ESR2: variants seen among roughly 807,000 people sequenced by gnomAD.
ESR2 encodes estrogen receptor beta.
In ESR2, 36 loss-of-function variants were observed where a neutral mutation model predicts 49.6. The observed-to-expected ratio is 0.73, with a 90% confidence interval of 0.56 to 0.96. The LOEUF (loss-of-function observed/expected upper bound fraction) is 0.96, where lower values mean the gene tolerates loss of function less well. Among genes scored for constraint, ESR2 ranks in the 40% least tolerant of loss-of-function variants. The pLI, the probability that ESR2 is intolerant of heterozygous loss-of-function variation, is 0.00. For synonymous variants in ESR2, 320 were observed against 266.1 expected (o/e 1.20, Z -1.97); for missense variants, 714 against 693.0 (o/e 1.03, Z -0.34).
intron 6 of ESR2, among the ~76,000 whole-genome samples, chr14:64,250,860 A>G (rs1475342386): frequency 1.3e-5 from 2 of 152,136 alleles, no homozygotes; most frequent in Non-Finnish European, 2.9e-5. Flanking sequence ...CGAAGCACTC[A>G]CACTCTCCCA....
At chr14:64,261,510 C>T (rs977183265) in intron 4 of ESR2, among the ~76,000 whole-genome samples, 8 of 152,104 alleles carry the variant, frequency 5.3e-5, no homozygotes, top group South Asian at 2.1e-4. Context: ...TTCAGCCTCC[C>T]GGGTTCAAGC....
chr14:64,331,151 T>C (rs999041860), intron 1 of ESR2, among the ~76,000 whole-genome samples: 9 of 152,094 alleles, frequency 5.9e-5, no homozygotes, highest in South Asian at 4.2e-4. Flanking sequence ...TTTAATCACA[T>C]AGAAAGATTG....
chr14:64,266,905 A>G (rs2076341736), intron 4 of ESR2, among the ~76,000 whole-genome samples: 1 of 152,112 alleles, frequency 6.6e-6, no homozygotes, highest in Non-Finnish European at 1.5e-5. Context: ...GCCCCCAGAC[A>G]GAGTCTCACT....
In ESR2 at chr14:64,231,356, A is replaced by G. The variant is rs1442118555; in HGVS notation, c.*1781T>C. 1 of 152,112 alleles carries G rather than the reference A, an allele frequency of 6.6e-6. No individual in the cohort carries two copies. Among genetic ancestry groups the G allele is most frequent in the East Asian group, 1.9e-4 (1 of 5,192 alleles). The allele number at this position is 152,112 out of a possible 1,614,324, so 9.4% of individuals were successfully genotyped here. A position where few individuals can be genotyped will look rare whatever the true frequency, so the allele number is the denominator to read the frequency against. ...AGTGGGGGATTCTAGGCTGACCAGG[A>G]GGAAAGAAGCTGACACTAACACTGG... On this transcript the variant is annotated 3_prime_UTR_variant, in exon 9 of 9. Transcript: ENST00000341099.
upstream of ESR2, among the ~76,000 whole-genome samples, chr14:64,297,112 G>A (rs1456123904): frequency 6.6e-6 from 1 of 152,080 alleles, no homozygotes; most frequent in Non-Finnish European, 1.5e-5. Flanking sequence ...ACCTGCCTAA[G>A]GAAGCACCCA....
chr14:64,260,048 C>G, intron 5 of ESR2: 1 of 453,448 alleles, frequency 2.2e-6, no homozygotes, highest in South Asian at 1.6e-5. Context: ...CCCAGACCAC[C>G]TCTAGGCATG....
At chr14:64,283,133 A>G (rs894576775) in intron 1 of ESR2, 58 bp from the exon 2 acceptor site, 2 of 667,008 alleles carry the variant, frequency 3.0e-6, no homozygotes, top group Non-Finnish European at 4.8e-6. Context: ...AACTATGAAA[A>G]TTTAAATATT....
chr14:64,260,679 C>A lies in ESR2; in HGVS notation c.722G>T (p.Cys241Phe). The A allele has an allele frequency of 1.3e-6, 2 of 1,574,214 alleles. No homozygotes were observed. The highest frequency in any genetic ancestry group is 1.7e-6 in the Non-Finnish European group (2 of 1,157,336). Residue 241 changes from cysteine (C) to phenylalanine (F), a missense_variant, in exon 5 of 9, where the codon TGT (cysteine) becomes TTT (phenylalanine). Transcript: ENST00000341099. Reference protein sequence around the residue: ...RQRSADEQLHCAGKAKRSGGH... With the variant: ...RQRSADEQLHFAGKAKRSGGH... ...GCCACTTCTCTTGGCCTTGCCGGCA[C>A]AGTGCAGCTGCTCGTCGGCACTTCT...
chr14:64,273,794 T>C (rs941938829), intron 3 of ESR2, among the ~76,000 whole-genome samples: 1 of 152,178 alleles, frequency 6.6e-6, no homozygotes, highest in South Asian at 2.1e-4. Flanking sequence ...ACGGTAATAC[T>C]GGTCTCACGG....
intron 1 of ESR2, among the ~76,000 whole-genome samples, chr14:64,311,221 G>T (rs554642675): frequency 5.8e-4 from 88 of 152,284 alleles, no homozygotes; most frequent in African/African-American, 1.9e-3. Context: ...ATTTTAAAAT[G>T]CATTTAAAGG....
At chr14:64,309,377 C>T (rs1420268284) in intron 1 of ESR2, among the ~76,000 whole-genome samples, 6 of 152,086 alleles carry the variant, frequency 3.9e-5, no homozygotes, top group Non-Finnish European at 7.4e-5. Flanking sequence ...TTTGGGAGGC[C>T]GAGGTGGGTG....
downstream of ESR2, chr14:64,226,714 TCTCA>T (rs898849107): frequency 9.4e-5 from 12 of 127,172 alleles, no homozygotes; most frequent in Non-Finnish European, 1.4e-4. Context: ...TTTGACAGAG[TCTCA>T]CTCTGTCAGT....
At chr14:64,283,922 T>G (rs774280786) in intron 1 of ESR2, among the ~76,000 whole-genome samples, 58 of 151,878 alleles carry the variant, frequency 3.8e-4, no homozygotes, top group Non-Finnish European at 7.5e-4. Context: ...TTTTGTTTTG[T>G]TTTGGTTTTG....
intron 1 of ESR2, among the ~76,000 whole-genome samples, chr14:64,301,962 T>C (rs2077025740): frequency 6.6e-6 from 1 of 151,740 alleles, no homozygotes; most frequent in Non-Finnish European, 1.5e-5. Context: ...GCTCTGAGGG[T>C]AGAGAAGACA....
intron 1 of ESR2, among the ~76,000 whole-genome samples, chr14:64,332,872 T>TA (rs2077479857): frequency 7.2e-6 from 1 of 138,724 alleles, no homozygotes; most frequent in Admixed American, 7.3e-5. Context: ...TAATCACAAA[T>TA]CTTTTTTTTT....
intron 5 of ESR2, 108 bp downstream of exon 5, chr14:64,260,341 A>C: frequency 8.9e-7 from 1 of 1,119,232 alleles, no homozygotes; most frequent in African/African-American, 1.5e-5. Flanking sequence ...GGACCTGTTA[A>C]ATATCTAGGC....
At chr14:64,238,934 C>T (rs984409114) in intron 7 of ESR2, among the ~76,000 whole-genome samples, 1 of 152,144 alleles carries the variant, frequency 6.6e-6, no homozygotes, top group Non-Finnish European at 1.5e-5. Context: ...GGGACAGCCA[C>T]CTCTCCTTCA....
intron 1 of ESR2, among the ~76,000 whole-genome samples, chr14:64,283,832 C>T (rs2076735392): frequency 6.7e-6 from 1 of 148,522 alleles, no homozygotes; most frequent in African/African-American, 2.5e-5. Context: ...TTATGAATCT[C>T]CAATAATAAA....
At chr14:64,239,803 C>T (rs554205189) in intron 7 of ESR2, among the ~76,000 whole-genome samples, 1 of 152,302 alleles carries the variant, frequency 6.6e-6, no homozygotes, top group African/African-American at 2.4e-5. Flanking sequence ...TACCACACAA[C>T]CTATATATGC....
Sources: allele counts gnomAD v4.1 joint callset (sites outside exome capture counted in the v4.1 genomes callset), GRCh38; gene constraint gnomAD v4.1.1; transcripts MANE v1.5; gene names NCBI Gene and HGNC (gene_info 2026-07-23, HGNC 2026-07-21).